CCDC90B: variants seen among roughly 807,000 people sequenced by gnomAD.
The protein encoded by CCDC90B is coiled-coil domain-containing protein 90B, mitochondrial.
CCDC90B carries 24 observed loss-of-function variants against 37.0 expected under a neutral mutation model. The ratio of observed to expected loss-of-function variants is 0.65; its 90% CI spans 0.47 to 0.91. The LOEUF (loss-of-function observed/expected upper bound fraction) is 0.91. CCDC90B is among the 40% of genes least tolerant of loss of function. The pLI is 0.00. For synonymous variants in CCDC90B, 113 were observed against 101.1 expected (o/e 1.12, Z -0.71); for missense variants, 319 against 299.0 (o/e 1.07, Z -0.49).
intron 8 of CCDC90B, among the ~76,000 whole-genome samples, chr11:83,263,248 T>C (rs1013856516): frequency 1.3e-5 from 2 of 152,222 alleles, no homozygotes; most frequent in Non-Finnish European, 1.5e-5. Flanking sequence ...AAGTTTTAGA[T>C]AACCAAATGA....
chr11:83,275,642 T>G (rs1864980470), intron 3 of CCDC90B, among the ~76,000 whole-genome samples: 1 of 152,152 alleles, frequency 6.6e-6, no homozygotes, highest in South Asian at 2.1e-4. Flanking sequence ...TCTCTATCCT[T>G]TACCAAAAGA....
In CCDC90B at chr11:83,266,485, C is replaced by T. The variant is rs545640903; in HGVS notation, c.595-506G>A. On this transcript the variant is annotated intron_variant, in intron 7 of 8. Coordinates refer to ENST00000529689, the MANE Select transcript of CCDC90B (RefSeq NM_021825.5). ...CCTGGCTCAGCGGGTCCCACGCCCA[C>T]GGAGCCTTGCTCACTGCTAGCACAG... Among the ~76,000 whole-genome samples the T allele has an allele frequency of 8.5e-5, 13 of 152,358 alleles. 1 individual carries two copies. In the Middle Eastern group the frequency reaches 0.01, roughly 120 times the overall value.
chr11:83,274,708 C>A lies in CCDC90B; in HGVS notation c.357G>T (p.Leu119Phe). ...EITVQQLMAH[L>F]DAIRKDMVIL... is the part of the protein sequence containing the mutation. Reference sequence around the variant, plus strand: ...TGACCATGTCTTTCCTGATAGCATCCAAATGAGCCATTAGCTGTTGTACTG... The same window carrying A: ...TGACCATGTCTTTCCTGATAGCATCAAAATGAGCCATTAGCTGTTGTACTG... The change falls in exon 4 of 9, where the codon TTG becomes TTT. Residue 119 changes from leucine (L) to phenylalanine (F), a missense_variant. Leu to Phe is a conservative substitution (Grantham distance 22). Coordinates refer to ENST00000529689, the MANE Select transcript of CCDC90B (RefSeq NM_021825.5). 6.2e-7 allele frequency: 1 copy of A among 1,610,540 alleles called. No individual in the cohort carries two copies.
intron 8 of CCDC90B, among the ~76,000 whole-genome samples, chr11:83,263,768 GA>G (rs1864072807): frequency 6.6e-6 from 1 of 152,158 alleles, no homozygotes; most frequent in Admixed American, 6.5e-5. Context: ...CCAACCTATG[GA>G]GAAAGCTGGT....
At chr11:83,265,245 CAAAT>C (rs1864182649) in intron 8 of CCDC90B, among the ~76,000 whole-genome samples, 1 of 152,136 alleles carries the variant, frequency 6.6e-6, no homozygotes, top group Admixed American at 6.5e-5. Flanking sequence ...CAGTATGTGA[CAAAT>C]AATCTAATTT....
rs2135579061 is a variant in CCDC90B, at chr11:83,261,945, G to A, written c.731C>T (p.Ala244Val). ...YLAASVFTCL[A>V]IALGFYRFWK ...GAATCTATAAAATCCCAATGCTATT[G>A]CCAGGCAAGTAAACACCGAAGCTGT... The change falls in exon 9 of 9, where the codon GCA (alanine) becomes GTA (valine). Residue 244 changes from alanine (A) to valine (V), a missense_variant. Coordinates refer to ENST00000529689, the MANE Select transcript of CCDC90B (RefSeq NM_021825.5). The A allele has an allele frequency of 6.2e-7, 1 of 1,601,546 alleles. No homozygotes were observed. The highest frequency in any genetic ancestry group is 2.3e-5 in the East Asian group (1 of 44,060).
intron 1 of CCDC90B, among the ~76,000 whole-genome samples, chr11:83,280,808 T>C (rs1156941564): frequency 1.3e-5 from 2 of 152,220 alleles, no homozygotes; most frequent in Non-Finnish European, 2.9e-5. Flanking sequence ...TGACTGTGGT[T>C]TTCACTACTG....
rs376807996 is a variant in CCDC90B at position 83,273,910 on chromosome 11, A to G, written c.468+41T>C. 6.8e-5 allele frequency: 108 copies of G among 1,593,430 alleles called. No individual in the cohort carries two copies. In the African/African-American group the frequency reaches 1.3e-3, roughly 19 times the overall value. ...TTTAAAAAATGATCTTGTAACGAAT[A>G]TTTGTTCTGAAATTAACAGCTAGAA... On this transcript the variant is annotated intron_variant, in intron 5 of 8. Transcript: ENST00000529689.
At chr11:83,285,271 C>G (rs1865614133) in intron 1 of CCDC90B, 1 of 1,271,572 alleles carries the variant, frequency 7.9e-7, no homozygotes, top group Non-Finnish European at 1.0e-6. Context: ...AAACCTAGCC[C>G]TAGAAACATT....
At chr11:83,282,072 C>T (rs1033277082) in intron 1 of CCDC90B, among the ~76,000 whole-genome samples, 2 of 152,206 alleles carry the variant, frequency 1.3e-5, no homozygotes, top group Admixed American at 1.3e-4. Context: ...AATCATCTAA[C>T]ACAAAGCCTA....
intron 7 of CCDC90B, among the ~76,000 whole-genome samples, chr11:83,266,641 C>G (rs1345872254): frequency 6.6e-6 from 1 of 152,226 alleles, no homozygotes; most frequent in Admixed American, 6.5e-5. Flanking sequence ...CACAACAATG[C>G]CTACTGTCTC....
At chr11:83,284,088 A>G (rs17456707) in intron 1 of CCDC90B, among the ~76,000 whole-genome samples, 1,946 of 152,348 alleles carry the variant, frequency 0.013, 29 homozygotes, top group Non-Finnish European at 0.021. Context: ...AGAGTTTTGT[A>G]CAGACTTAAA....
intron 8 of CCDC90B, among the ~76,000 whole-genome samples, chr11:83,262,566 T>A (rs1671307535): frequency 6.6e-6 from 1 of 152,168 alleles, no homozygotes; most frequent in Non-Finnish European, 1.5e-5. Context: ...AGAAGGTAAG[T>A]CTGAGTGAGG....
chr11:83,263,202 G>T (rs1864035269), intron 8 of CCDC90B, among the ~76,000 whole-genome samples: 1 of 152,112 alleles, frequency 6.6e-6, no homozygotes, highest in Non-Finnish European at 1.5e-5. Flanking sequence ...CTATCTAAGT[G>T]GTTACATCCT....
At chr11:83,267,881 G>A (rs1329771385) in intron 7 of CCDC90B, among the ~76,000 whole-genome samples, 7 of 152,188 alleles carry the variant, frequency 4.6e-5, no homozygotes, top group Admixed American at 1.3e-4. Flanking sequence ...TACCCACAAA[G>A]GGAAGCCCAT....
chr11:83,281,622 A>G (rs1222269239), intron 1 of CCDC90B, among the ~76,000 whole-genome samples: 1 of 152,176 alleles, frequency 6.6e-6, no homozygotes, highest in African/African-American at 2.4e-5. Flanking sequence ...GTAAAGAACT[A>G]TGCCTTTGTG....
intron 8 of CCDC90B, 44 bp downstream of exon 8, chr11:83,265,821 C>G: frequency 7.9e-7 from 1 of 1,263,398 alleles, no homozygotes; most frequent in South Asian, 1.2e-5. Flanking sequence ...GTAGAACTAA[C>G]AGGAAAATTA....
At position 83,278,780 on chromosome 11, in the gene CCDC90B, T is replaced by C; in HGVS notation, c.270A>G (p.Leu90=). 6.2e-7 allele frequency: 1 copy of C among 1,613,698 alleles called. No individual in the cohort carries two copies. The highest frequency in any genetic ancestry group is 8.5e-7 in the Non-Finnish European group (1 of 1,179,850). ...AGATAGTATCCAGGCTGACATTTGATAAAGCAGTTAACGCTGATACAATTG... is the reference window on the plus strand; with the variant it reads ...AGATAGTATCCAGGCTGACATTTGACAAAGCAGTTAACGCTGATACAATTG... ...AETIVSALTA[L]SNVSLDTIYK... Residue 90 remains leucine (L), a synonymous_variant, in exon 3 of 9, where the codon TTA becomes TTG. Transcript: ENST00000529689.
At chr11:83,275,534 AAAT>A (rs768277678) in intron 3 of CCDC90B, among the ~76,000 whole-genome samples, 1,785 of 149,958 alleles carry the variant, frequency 0.012, 33 homozygotes, top group African/African-American at 0.042. Flanking sequence ...AAAAAAAAAA[AAAT>A]TTGAAATCTG....
Sources: allele counts gnomAD v4.1 joint callset (sites outside exome capture counted in the v4.1 genomes callset), GRCh38; gene constraint gnomAD v4.1.1; transcripts MANE v1.5; gene names NCBI Gene and HGNC (gene_info 2026-07-23, HGNC 2026-07-21).